The following WNT3 variants were observed in gnomAD, a reference collection of about 807,000 sequenced individuals.
The protein encoded by WNT3 is Wnt family member 3.
WNT3 carries 7 observed loss-of-function variants against 34.2 expected under a neutral mutation model. The ratio of observed to expected loss-of-function variants is 0.20; its 90% CI spans 0.12 to 0.38. WNT3 has a LOEUF of 0.38. Among genes scored for constraint, WNT3 ranks in the 10% least tolerant of loss-of-function variants. The pLI is 1.00. For synonymous variants in WNT3, 212 were observed against 211.5 expected (o/e 1.00, Z -0.02); for missense variants, 267 against 499.8 (o/e 0.53, Z 4.44).
chr17:46,807,689 T>G (rs1199582273), intron 1 of WNT3, among the ~76,000 whole-genome samples: 2 of 152,204 alleles, frequency 1.3e-5, no homozygotes, highest in East Asian at 3.9e-4. Flanking sequence ...GAGGATCCAT[T>G]ATGCCCAGGC....
At chr17:46,818,440 C>G in intron 1 of WNT3, 78 bp downstream of exon 1, 2 of 1,447,262 alleles carry the variant, frequency 1.4e-6, no homozygotes, top group Non-Finnish European at 1.9e-6. Flanking sequence ...TGCAGCGGCC[C>G]ACCCCCAGCC....
chr17:46,791,620 A>C (rs898336797), intron 1 of WNT3, among the ~76,000 whole-genome samples: 1 of 152,158 alleles, frequency 6.6e-6, no homozygotes, highest in Non-Finnish European at 1.5e-5. Flanking sequence ...CCACCAGGCC[A>C]GGCATGCCCT....
In WNT3 at chr17:46,763,167, G is replaced by A. The variant is rs2059282422; in HGVS notation, c.*1463C>T. 1 of 152,182 alleles carries A rather than the reference G, an allele frequency of 6.6e-6. No homozygotes were observed. The highest frequency in any genetic ancestry group is 1.5e-5 in the Non-Finnish European group (1 of 68,036). 9.4% of individuals were successfully genotyped at this position (152,182 alleles called of 1,614,324 possible). On this transcript the variant is annotated 3_prime_UTR_variant, in exon 5 of 5. Coordinates refer to ENST00000225512, the MANE Select transcript of WNT3 (RefSeq NM_030753.5). ...AGGTCAGGGTTAGGTAGACCCCAGA[G>A]AGAAGGGGGAGAAAGAAAAATCTTT...
intron 1 of WNT3, among the ~76,000 whole-genome samples, chr17:46,787,901 A>G (rs2059524414): frequency 6.6e-6 from 1 of 150,688 alleles, no homozygotes; most frequent in Admixed American, 6.7e-5. Flanking sequence ...GGTTTCAGTG[A>G]GCCGAGATTG....
At chr17:46,818,447 A>C in intron 1 of WNT3, 71 bp downstream of exon 1, 1 of 1,498,042 alleles carries the variant, frequency 6.7e-7, no homozygotes, top group Non-Finnish European at 9.1e-7. Flanking sequence ...GCCCACCCCC[A>C]GCCGGCGCCC....
chr17:46,775,069 G>T (rs1598761371), intron 1 of WNT3, among the ~76,000 whole-genome samples: 1 of 152,210 alleles, frequency 6.6e-6, no homozygotes, highest in Non-Finnish European at 1.5e-5. Context: ...ACCCCATGGG[G>T]CAGGGTGAGG....
intron 2 of WNT3, among the ~76,000 whole-genome samples, chr17:46,772,437 G>A (rs1303587313): frequency 6.6e-6 from 1 of 152,206 alleles, no homozygotes; most frequent in Non-Finnish European, 1.5e-5. Flanking sequence ...TTTGGGGAGC[G>A]CGTCTAGACG....
At chr17:46,809,458 C>A (rs756993610) in intron 1 of WNT3, among the ~76,000 whole-genome samples, 1 of 152,182 alleles carries the variant, frequency 6.6e-6, no homozygotes, top group African/African-American at 2.4e-5. Flanking sequence ...TCCTGTTGCT[C>A]CCATCCCCCT....
chr17:46,766,520 C>T (rs374098582), intron 4 of WNT3, among the ~76,000 whole-genome samples: 13 of 152,288 alleles, frequency 8.5e-5, no homozygotes, highest in Admixed American at 7.8e-4. Context: ...GCTGGATTCA[C>T]CTTCGTCCTC....
At chr17:46,781,346 G>T (rs1179160879) in intron 1 of WNT3, among the ~76,000 whole-genome samples, 2 of 151,576 alleles carry the variant, frequency 1.3e-5, no homozygotes, top group Admixed American at 1.3e-4. Context: ...AATACTGTAT[G>T]ATTTCACTTA....
chr17:46,783,968 C>A (rs567713689), intron 1 of WNT3, among the ~76,000 whole-genome samples: 2 of 152,164 alleles, frequency 1.3e-5, no homozygotes, highest in South Asian at 4.1e-4. Context: ...GCTGGGAAAG[C>A]GGCTGGGAGG....
chr17:46,771,905 C>T (rs1354719699), intron 2 of WNT3, among the ~76,000 whole-genome samples: 6 of 145,648 alleles, frequency 4.1e-5, no homozygotes, highest in Non-Finnish European at 6.1e-5. Flanking sequence ...CCCCCGCCCC[C>T]GCCTGGGGAA....
In WNT3 at chr17:46,768,947, G is replaced by T; in HGVS notation, c.589-148C>A. 7.9e-7 allele frequency: 1 copy of T among 1,264,586 alleles called. No individual in the cohort carries two copies. Among genetic ancestry groups the T allele is most frequent in the Non-Finnish European group, 1.1e-6 (1 of 936,736 alleles). The allele number at this position is 1,264,586 out of a possible 1,614,324, so 78.3% of individuals were successfully genotyped here. On this transcript the variant is annotated intron_variant, in intron 3 of 4. Coordinates refer to ENST00000225512, the MANE Select transcript of WNT3 (RefSeq NM_030753.5). The surrounding 1 kb of genome is among the most constrained non-coding windows in gnomAD (Gnocchi z 5.0). ...AGAGAACTGATGGGGACTGAGGCAA[G>T]ACCTAAAGAATAGTGACCATGTTTC...
intron 1 of WNT3, among the ~76,000 whole-genome samples, chr17:46,817,419 TTTAA>T (rs2084366518): frequency 1.3e-5 from 2 of 152,186 alleles, no homozygotes; most frequent in African/African-American, 2.4e-5. Flanking sequence ...GGGAAGATTC[TTTAA>T]TTAAAGTTTT....
chr17:46,782,650 G>A (rs2059471666), intron 1 of WNT3, among the ~76,000 whole-genome samples: 1 of 152,224 alleles, frequency 6.6e-6, no homozygotes, highest in East Asian at 1.9e-4. Flanking sequence ...AGGGGCATGT[G>A]TGCACACCGT....
chr17:46,792,991 G>A (rs1034713783), intron 1 of WNT3, among the ~76,000 whole-genome samples: 3 of 152,010 alleles, frequency 2.0e-5, no homozygotes, highest in Non-Finnish European at 4.4e-5. Context: ...AGGGCTGAGG[G>A]AGGTGGCTCA....
At chr17:46,788,003 C>T (rs1399117426) in intron 1 of WNT3, among the ~76,000 whole-genome samples, 2 of 151,698 alleles carry the variant, frequency 1.3e-5, no homozygotes, top group East Asian at 3.9e-4. Flanking sequence ...CCTCAGTGAC[C>T]CCACCTCAGT....
chr17:46,789,596 T>TTGTTAC (rs72295617), intron 1 of WNT3, among the ~76,000 whole-genome samples: 2 of 17,484 alleles, frequency 1.1e-4, no homozygotes, highest in Non-Finnish European at 1.5e-4. Flanking sequence ...AGGTAACCTC[T>TTGTTAC]CAGGGAACAC....
At chr17:46,805,069 G>T (rs1393997387) in intron 1 of WNT3, among the ~76,000 whole-genome samples, 2 of 152,064 alleles carry the variant, frequency 1.3e-5, no homozygotes, top group Admixed American at 6.6e-5. Flanking sequence ...AAGGTACGTG[G>T]CTTCATTCTT....
Sources: gnomAD v4.1 joint callset for allele counts (sites outside exome capture counted in the v4.1 genomes callset) on GRCh38, gnomAD v4.1.1 for gene constraint, Gnocchi (gnomAD v3.1) non-coding constraint, MANE v1.5 for transcripts, NCBI Gene and HGNC (gene_info 2026-07-23, HGNC 2026-07-21) for gene names.